The following SPATA17 variants were observed in gnomAD, a reference collection of about 807,000 sequenced individuals.
SPATA17 encodes the protein spermatogenesis associated 17.
In SPATA17, 53 loss-of-function variants were observed where a neutral mutation model predicts 62.2. The ratio of observed to expected loss-of-function variants is 0.85; its 90% CI spans 0.68 to 1.07. The LOEUF is 1.07. SPATA17 is among the 50% of genes least tolerant of loss of function. The pLI is 0.00. For missense variants in SPATA17, 466 were observed against 425.5 expected, an observed-to-expected ratio of 1.10 and a Z score of -0.84; for synonymous variants, 146 against 146.8, an observed-to-expected ratio of 0.99 and a Z score of 0.04.
intron 9 of SPATA17, among the ~76,000 whole-genome samples, chr1:217,850,900 T>C (rs918884310): frequency 6.6e-6 from 1 of 151,930 alleles, no homozygotes; most frequent in Non-Finnish European, 1.5e-5. Flanking sequence ...AAAAAAAATA[T>C]AAAAGGACTG....
chr1:217,632,980 T>C (rs1315533980), intron 1 of SPATA17, among the ~76,000 whole-genome samples: 1 of 151,950 alleles, frequency 6.6e-6, no homozygotes, highest in Non-Finnish European at 1.5e-5. Context: ...GATGGATCAC[T>C]TGAGGGCAGA....
rs397982930 is a variant in SPATA17, at chr1:217,829,627, C to CAAAAAAAAA, written c.1005+27796_1005+27804dup. Among the ~76,000 whole-genome samples, 351 of 46,754 alleles carry CAAAAAAAAA rather than the reference C, an allele frequency of 7.5e-3. 26 individuals are homozygous for CAAAAAAAAA. The highest frequency in any genetic ancestry group is 0.031 in the Middle Eastern group (1 of 32). The allele number at this position is 46,754 out of a possible 152,430, so 30.7% of individuals were successfully genotyped here. On this transcript the variant is annotated intron_variant, in intron 9 of 10. Coordinates refer to ENST00000366933, the MANE Select transcript of SPATA17 (RefSeq NM_138796.4). ...TGGGTGACAGAGCGAGACTCCATCT[C>CAAAAAAAAA]AAAAAAAAAAAAAAAAAAAAAAAAA...
At chr1:217,769,622 G>T (rs1256884771) in intron 6 of SPATA17, among the ~76,000 whole-genome samples, 5 of 152,130 alleles carry the variant, frequency 3.3e-5, no homozygotes, top group African/African-American at 1.2e-4. Flanking sequence ...CAGTAGTATG[G>T]CTCAAAACAT....
intron 4 of SPATA17, among the ~76,000 whole-genome samples, chr1:217,677,359 G>T (rs996592577): frequency 6.6e-6 from 1 of 151,866 alleles, no homozygotes; most frequent in Non-Finnish European, 1.5e-5. Context: ...GATATATAAA[G>T]ATTCGTCTCA....
Position 217,867,243 on chromosome 1 carries a change from A to T in SPATA17, c.*224A>T, listed in dbSNP as rs1398948468. The T allele has an allele frequency of 6.6e-6, 1 of 152,188 alleles. No homozygotes were observed. Among genetic ancestry groups the T allele is most frequent in the Non-Finnish European group, 1.5e-5 (1 of 68,034 alleles). The allele number at this position is 152,188 out of a possible 1,614,324, so 9.4% of individuals were successfully genotyped here. A position where few individuals can be genotyped will look rare whatever the true frequency, so the allele number is the denominator to read the frequency against. On this transcript the variant is annotated 3_prime_UTR_variant, in exon 11 of 11. Coordinates refer to ENST00000366933, the MANE Select transcript of SPATA17 (RefSeq NM_138796.4). ...AAACTTGAGTCTGTTACCTCTGAGAATGTCTGTCACAATCACAGCCCCTGG... is the reference window on the plus strand; with the variant it reads ...AAACTTGAGTCTGTTACCTCTGAGATTGTCTGTCACAATCACAGCCCCTGG...
intron 6 of SPATA17, among the ~76,000 whole-genome samples, chr1:217,743,553 C>T (rs766107330): frequency 4.0e-5 from 6 of 151,772 alleles, no homozygotes; most frequent in Non-Finnish European, 8.8e-5. Flanking sequence ...GCTATGTATA[C>T]TTATGATGGG....
chr1:217,792,177 C>A (rs1674008220), intron 8 of SPATA17, among the ~76,000 whole-genome samples: 1 of 152,224 alleles, frequency 6.6e-6, no homozygotes, highest in South Asian at 2.1e-4. Context: ...TTGCTATAAA[C>A]CCTAAATCAG....
intron 5 of SPATA17, among the ~76,000 whole-genome samples, chr1:217,709,544 C>G (rs1191524131): frequency 6.6e-6 from 1 of 152,150 alleles, no homozygotes; most frequent in Non-Finnish European, 1.5e-5. Flanking sequence ...AGAGAGCACC[C>G]AAGATGGAAG....
intron 3 of SPATA17, among the ~76,000 whole-genome samples, chr1:217,663,644 G>T (rs1670618617): frequency 6.6e-6 from 1 of 151,986 alleles, no homozygotes. Context: ...TATCCATTGT[G>T]CATGGCTTCT....
intron 6 of SPATA17, 99 bp from the exon 7 acceptor site, chr1:217,774,235 A>AGGG: frequency 1.0e-6 from 1 of 996,532 alleles, no homozygotes; most frequent in Non-Finnish European, 1.5e-6. Context: ...GTAGTTTAAA[A>AGGG]TATTCTTTAA....
chr1:217,811,256 A>T (rs1022427450), intron 9 of SPATA17, among the ~76,000 whole-genome samples: 4 of 151,930 alleles, frequency 2.6e-5, no homozygotes, highest in African/African-American at 4.8e-5. Context: ...CTGGTCTCGA[A>T]CTCCTGGCTC....
At chr1:217,647,604 A>G (rs1317122785) in intron 1 of SPATA17, among the ~76,000 whole-genome samples, 1 of 152,204 alleles carries the variant, frequency 6.6e-6, no homozygotes, top group Non-Finnish European at 1.5e-5. Context: ...GGAAAGGCCT[A>G]ATTGTAGTCT....
intron 1 of SPATA17, among the ~76,000 whole-genome samples, chr1:217,639,878 G>A (rs537917208): frequency 1.6e-4 from 25 of 151,852 alleles, no homozygotes; most frequent in African/African-American, 2.9e-4. Context: ...ACCTTCTCAC[G>A]CATCCCCCAG....
intron 9 of SPATA17, chr1:217,850,756 A>G (rs1353648008): frequency 1.5e-6 from 1 of 660,188 alleles, no homozygotes; most frequent in East Asian, 3.2e-5. Flanking sequence ...TCATACATAT[A>G]GTTTTTATTT....
intron 8 of SPATA17, among the ~76,000 whole-genome samples, chr1:217,784,653 A>G (rs1673813981): frequency 6.6e-6 from 1 of 152,176 alleles, no homozygotes; most frequent in Non-Finnish European, 1.5e-5. Context: ...TCAGGAACAT[A>G]GTAGGGTCTT....
intron 5 of SPATA17, among the ~76,000 whole-genome samples, chr1:217,725,047 G>T (rs989011892): frequency 3.3e-5 from 5 of 152,050 alleles, no homozygotes; most frequent in Non-Finnish European, 7.4e-5. Flanking sequence ...ATGATTTTAA[G>T]AATAGTCATC....
chr1:217,853,626 T>A (rs72730526), intron 9 of SPATA17, among the ~76,000 whole-genome samples: 4,595 of 152,260 alleles, frequency 0.03, 104 homozygotes, highest in Middle Eastern at 0.055. Flanking sequence ...CCTCAAACAC[T>A]GAATTGGTGA....
At chr1:217,723,722 A>G (rs896020938) in intron 5 of SPATA17, among the ~76,000 whole-genome samples, 6 of 152,222 alleles carry the variant, frequency 3.9e-5, no homozygotes, top group Admixed American at 3.9e-4. Context: ...TGGGGAAATA[A>G]GACAAAACAA....
intron 1 of SPATA17, among the ~76,000 whole-genome samples, chr1:217,642,134 C>T (rs1670079714): frequency 6.6e-6 from 1 of 152,134 alleles, no homozygotes; most frequent in Admixed American, 6.5e-5. Flanking sequence ...CCAGATACTA[C>T]CTGATTTTGA....
Sources: allele counts gnomAD v4.1 joint callset (sites outside exome capture counted in the v4.1 genomes callset), GRCh38; gene constraint gnomAD v4.1.1; transcripts MANE v1.5; gene names NCBI Gene and HGNC (gene_info 2026-07-23, HGNC 2026-07-21).